The following OPRD1 variants were observed in gnomAD, a reference collection of about 807,000 sequenced individuals.
OPRD1 encodes opioid receptor delta 1.
OPRD1 carries 19 observed loss-of-function variants against 17.5 expected under a neutral mutation model. That is an observed-to-expected ratio of 1.09 (90% confidence interval 0.76 to 1.60). The LOEUF is 1.60. OPRD1 is among the 40% of genes most tolerant of loss of function. The pLI is 0.00. For synonymous variants in OPRD1, 256 were observed against 240.9 expected (o/e 1.06, Z -0.58); for missense variants, 483 against 547.2 (o/e 0.88, Z 1.17).
At position 28,859,099 on chromosome 1, in the gene OPRD1, C is replaced by T; in HGVS notation, c.373C>T (p.Leu125Phe). ...CGGCGAGCTGCTCTGCAAGGCTGTG[C>T]TCTCCATCGACTACTACAATATGTT... ...PFGELLCKAV[L>F]SIDYYNMFTS... The change falls in exon 2 of 3, where the codon CTC becomes TTC. Residue 125 changes from leucine to phenylalanine, a missense_variant. Transcript: ENST00000234961. 2 of 1,614,240 alleles carry T rather than the reference C, an allele frequency of 1.2e-6. No homozygotes were observed. The highest frequency in any genetic ancestry group is 1.7e-5 in the Admixed American group (1 of 60,032).
chr1:28,849,568 A>C (rs1412123395), intron 1 of OPRD1, among the ~76,000 whole-genome samples: 1 of 152,212 alleles, frequency 6.6e-6, no homozygotes, highest in African/African-American at 2.4e-5. Context: ...GTGCACACGC[A>C]CGGAGCTGCC....
At chr1:28,843,606 A>G (rs1309284731) in intron 1 of OPRD1, among the ~76,000 whole-genome samples, 1 of 152,146 alleles carries the variant, frequency 6.6e-6, no homozygotes, top group Non-Finnish European at 1.5e-5. Context: ...AGCAGGTGTC[A>G]GAATTTCCTT....
chr1:28,832,103 T>C (rs987773458), intron 1 of OPRD1, among the ~76,000 whole-genome samples: 5 of 152,114 alleles, frequency 3.3e-5, no homozygotes, highest in African/African-American at 9.7e-5. Flanking sequence ...GCAGTGTCCA[T>C]GAAGCAATGT....
chr1:28,848,726 G>T (rs973268663), intron 1 of OPRD1, among the ~76,000 whole-genome samples: 4 of 152,236 alleles, frequency 2.6e-5, no homozygotes, highest in African/African-American at 9.6e-5. Context: ...GTGGTTACCA[G>T]ATGTTGGCAC....
At chr1:28,824,619 A>G (rs570016371) in intron 1 of OPRD1, among the ~76,000 whole-genome samples, 1 of 151,740 alleles carries the variant, frequency 6.6e-6, no homozygotes, top group Non-Finnish European at 1.5e-5. Flanking sequence ...TGCCTGGCTG[A>G]TGGTTCTTTT....
At chr1:28,823,774 C>T (rs1025622854) in intron 1 of OPRD1, among the ~76,000 whole-genome samples, 2 of 151,678 alleles carry the variant, frequency 1.3e-5, no homozygotes, top group African/African-American at 2.4e-5. Context: ...AGGTGATCCA[C>T]CCACCCGGCC....
In OPRD1 at chr1:28,863,090, C is replaced by T; in HGVS notation, c.926C>T (p.Ala309Val). 1.9e-6 allele frequency: 3 copies of T among 1,609,314 alleles called. No homozygotes were observed. The East Asian group carries it at 6.7e-5, about 36-fold the overall frequency. Reference sequence around the variant, plus strand: ...CACCTGTGCATCGCGCTGGGCTACGCCAATAGCAGCCTCAACCCCGTGCTC... The same window carrying T: ...CACCTGTGCATCGCGCTGGGCTACGTCAATAGCAGCCTCAACCCCGTGCTC... ...ALHLCIALGY[A>V]NSSLNPVLYA... The change falls in exon 3 of 3, where the codon GCC becomes GTC. Residue 309 changes from alanine to valine, a missense_variant. Transcript: ENST00000234961.
In OPRD1 at chr1:28,863,469, T is replaced by G; in HGVS notation, c.*186T>G. On this transcript the variant is annotated 3_prime_UTR_variant, in exon 3 of 3. Transcript: ENST00000234961. ...GATGGGCATGGGGTGGGCCTCTGGT[T>G]TGGGGCGAGGCAGAGGACAGATCAA... The G allele has an allele frequency of 1.6e-6, 1 of 641,350 alleles. No homozygotes were observed. The highest frequency in any genetic ancestry group is 2.4e-6 in the Non-Finnish European group (1 of 409,894). 39.7% of individuals were successfully genotyped at this position (641,350 alleles called of 1,614,324 possible). A position where few individuals can be genotyped will look rare whatever the true frequency, so the allele number is the denominator to read the frequency against.
At position 28,863,228 on chromosome 1, in the gene OPRD1, AGCGTGTCACC is replaced by A. The variant is rs761939314; in HGVS notation, c.1067_1076del (p.Arg356ProfsTer119). On this transcript the variant is annotated frameshift_variant, in exon 3 of 3. Coordinates refer to ENST00000234961, the MANE Select transcript of OPRD1 (RefSeq NM_000911.4). LOFTEE classifies it high-confidence loss of function. The stretch of plus-strand genomic sequence containing the variant: ...CGCGCCCGCGAAGCCACGGCCCGCG[AGCGTGTCACC>A]GCCTGCACCCCGTCCGATGGTCCCG... 2.6e-6 allele frequency: 4 copies of A among 1,567,132 alleles called. No individual in the cohort carries two copies. In the South Asian group the frequency reaches 4.6e-5, roughly 18 times the overall value.
intron 1 of OPRD1, among the ~76,000 whole-genome samples, chr1:28,854,601 C>T (rs181444411): frequency 1.8e-3 from 276 of 151,768 alleles, no homozygotes; most frequent in Middle Eastern, 3.4e-3. Flanking sequence ...TGTCCCTGTG[C>T]GAGCTGGTGA....
At position 28,822,678 on chromosome 1, in the gene OPRD1, C is replaced by T. The variant is rs572510206; in HGVS notation, c.227+10068C>T. On this transcript the variant is annotated intron_variant, in intron 1 of 2. Coordinates refer to ENST00000234961, the MANE Select transcript of OPRD1 (RefSeq NM_000911.4). ...TTTTTTTTTGTATTTTTAATAGAAA[C>T]GGGGTTTCACCATGTTGGCCAGGTT... is the stretch of plus-strand genomic sequence containing the variant. 8.0e-4 allele frequency among the ~76,000 whole-genome samples: 120 copies of T among 149,524 alleles called. 1 individual carries two copies. The highest frequency in any genetic ancestry group is 3.5e-3 in the Middle Eastern group (1 of 286).
At chr1:28,829,541 G>A (rs2088795088) in intron 1 of OPRD1, among the ~76,000 whole-genome samples, 1 of 151,810 alleles carries the variant, frequency 6.6e-6, no homozygotes, top group Non-Finnish European at 1.5e-5. Flanking sequence ...CTAATTTTTT[G>A]TATTTTTAGT....
intron 1 of OPRD1, among the ~76,000 whole-genome samples, chr1:28,855,434 CAG>C (rs1453015952): frequency 1.3e-5 from 2 of 151,944 alleles, no homozygotes; most frequent in African/African-American, 2.4e-5. Context: ...GCTTGCAGAA[CAG>C]AGAGAATTTT....
intron 1 of OPRD1, among the ~76,000 whole-genome samples, chr1:28,825,899 A>G (rs2088763784): frequency 6.6e-6 from 1 of 152,194 alleles, no homozygotes; most frequent in South Asian, 2.1e-4. Context: ...TGAAATGGGG[A>G]TGATAGAAAA....
At chr1:28,834,547 T>C (rs2088834000) in intron 1 of OPRD1, among the ~76,000 whole-genome samples, 1 of 151,516 alleles carries the variant, frequency 6.6e-6, no homozygotes, top group Non-Finnish European at 1.5e-5. Flanking sequence ...TGCTGGGTAA[T>C]TTTTAAATTT....
At chr1:28,853,941 A>G (rs2089032364) in intron 1 of OPRD1, among the ~76,000 whole-genome samples, 1 of 151,702 alleles carries the variant, frequency 6.6e-6, no homozygotes, top group African/African-American at 2.4e-5. Flanking sequence ...GGGTTTTTCC[A>G]TGTTGTCCAG....
chr1:28,857,562 G>A (rs1569651974), intron 1 of OPRD1, among the ~76,000 whole-genome samples: 1 of 152,218 alleles, frequency 6.6e-6, no homozygotes, highest in African/African-American at 2.4e-5. Context: ...TCTGCCTCCT[G>A]GGCTCAAGCG....
At position 28,863,257 on chromosome 1, in the gene OPRD1, G is replaced by A; in HGVS notation, c.1093G>A (p.Gly365Ser). Residue 365 changes from glycine to serine, a missense_variant, in exon 3 of 3, where the codon GGT becomes AGT. By Grantham distance (56) the Gly-to-Ser change is moderately conservative. Transcript: ENST00000234961. ...TGTCACCGCCTGCACCCCGTCCGATGGTCCCGGCGGTGGCGCTGCCGCCTG... is the reference window on the plus strand; with the variant it reads ...TGTCACCGCCTGCACCCCGTCCGATAGTCCCGGCGGTGGCGCTGCCGCCTG... ...ERVTACTPSD[G>S]PGGGAAA is the part of the protein sequence containing the mutation. The A allele has an allele frequency of 6.7e-7, 1 of 1,482,562 alleles. No individual in the cohort carries two copies. Among genetic ancestry groups the A allele is most frequent in the Non-Finnish European group, 8.9e-7 (1 of 1,128,192 alleles). The allele number at this position is 1,482,562 out of a possible 1,614,324, so 91.8% of individuals were successfully genotyped here.
chr1:28,851,914 T>A (rs1214792083), intron 1 of OPRD1, among the ~76,000 whole-genome samples: 1 of 145,918 alleles, frequency 6.9e-6, no homozygotes, highest in African/African-American at 2.5e-5. Context: ...ACGCCTGTAA[T>A]CCCAGCACTT....
Sources: gnomAD v4.1 joint callset for allele counts (sites outside exome capture counted in the v4.1 genomes callset) on GRCh38, gnomAD v4.1.1 for gene constraint, MANE v1.5 for transcripts, NCBI Gene and HGNC (gene_info 2026-07-23, HGNC 2026-07-21) for gene names.